Variants in CRYL1 observed in about 807,000 individuals in gnomAD.
CRYL1 encodes crystallin lambda 1, also known as lambda-crystallin homolog.
Under a neutral mutation model 36.6 loss-of-function variants are expected in CRYL1, and 29 were observed. The observed-to-expected ratio is 0.79, with a 90% CI of 0.59 to 1.08. CRYL1 has a LOEUF of 1.08. Among genes scored for constraint, CRYL1 ranks in the 50% least tolerant of loss-of-function variants. The probability of loss-of-function intolerance (pLI) is 0.00; values close to 1 mark genes in which losing one functional copy is unlikely to be tolerated. For missense variants in CRYL1, 411 were observed against 407.9 expected (o/e 1.01, Z -0.06); for synonymous variants, 152 against 151.5 (o/e 1.00, Z -0.02).
intron 1 of CRYL1, among the ~76,000 whole-genome samples, chr13:20,512,896 A>G (rs2033939592): frequency 6.6e-6 from 1 of 152,192 alleles, no homozygotes. Flanking sequence ...TAGGGTAACT[A>G]GAGTTCACAA....
At chr13:20,428,389 T>A (rs1333892014) in intron 5 of CRYL1, among the ~76,000 whole-genome samples, 1 of 152,208 alleles carries the variant, frequency 6.6e-6, no homozygotes, top group African/African-American at 2.4e-5. Context: ...AGCATTGGGC[T>A]TCTCCACCTG....
intron 5 of CRYL1, among the ~76,000 whole-genome samples, chr13:20,420,703 G>GTTTTTT (rs2031784049): frequency 2.6e-5 from 1 of 38,746 alleles, no homozygotes; most frequent in East Asian, 1.1e-3. Context: ...AATAGAGGTT[G>GTTTTTT]TGTGTGTGTG....
At chr13:20,428,531 G>C (rs1301431385) in intron 5 of CRYL1, among the ~76,000 whole-genome samples, 1 of 152,178 alleles carries the variant, frequency 6.6e-6, no homozygotes, top group Non-Finnish European at 1.5e-5. Flanking sequence ...GCAATCCCAA[G>C]TAGGATTATT....
chr13:20,454,894 G>A (rs1409871715), intron 3 of CRYL1, among the ~76,000 whole-genome samples: 2 of 152,088 alleles, frequency 1.3e-5, no homozygotes, highest in Admixed American at 6.5e-5. Flanking sequence ...CGCCCAGGCT[G>A]GACAGATTCT....
At chr13:20,439,500 A>G (rs1481343024) in intron 4 of CRYL1, 93 bp downstream of exon 4, 289 of 636,528 alleles carry the variant, frequency 4.5e-4, no homozygotes, top group Non-Finnish European at 6.1e-4. Context: ...CAAGTTATTG[A>G]CCCCCCTCCC....
intron 5 of CRYL1, chr13:20,431,001 T>C: frequency 1.0e-6 from 1 of 985,374 alleles, no homozygotes; most frequent in African/African-American, 1.7e-5. Flanking sequence ...GAGCCTTAAG[T>C]GGATTTAGAC....
intron 5 of CRYL1, chr13:20,426,813 C>T (rs938362356): frequency 3.0e-6 from 3 of 985,382 alleles, no homozygotes; most frequent in Non-Finnish European, 3.6e-6. Context: ...TCTGGAATCT[C>T]AGGGCCCCAT....
intron 3 of CRYL1, among the ~76,000 whole-genome samples, chr13:20,485,681 AAGAT>A (rs915207755): frequency 7.6e-5 from 11 of 145,244 alleles, no homozygotes; most frequent in Non-Finnish European, 1.4e-4. Context: ...AGAAAAAAGA[AAGAT>A]AGAAAAGAAA....
chr13:20,497,986 T>G (rs951767338), intron 2 of CRYL1, among the ~76,000 whole-genome samples: 9 of 151,782 alleles, frequency 5.9e-5, no homozygotes, highest in Non-Finnish European at 1.3e-4. Flanking sequence ...ACTTTGGCAT[T>G]GAACTTATCA....
At chr13:20,439,901 A>AT in intron 3 of CRYL1, 147 bp from the exon 4 acceptor site, 1 of 721,818 alleles carries the variant, frequency 1.4e-6, no homozygotes, top group Non-Finnish European at 2.3e-6. Context: ...GCAACTTGGC[A>AT]TCTGAGAAAA....
intron 2 of CRYL1, among the ~76,000 whole-genome samples, chr13:20,490,917 G>GT (rs2033498604): frequency 6.7e-6 from 1 of 149,694 alleles, no homozygotes; most frequent in African/African-American, 2.5e-5. Context: ...GCTTTGTTTT[G>GT]TTTTTTGAGA....
intron 3 of CRYL1, among the ~76,000 whole-genome samples, chr13:20,441,168 G>A (rs572377225): frequency 2.6e-5 from 4 of 152,302 alleles, no homozygotes; most frequent in East Asian, 3.9e-4. Context: ...GCCTCCCAAC[G>A]TTCCCCAGTG....
intron 3 of CRYL1, among the ~76,000 whole-genome samples, chr13:20,487,599 T>C (rs1325105130): frequency 6.6e-6 from 1 of 152,158 alleles, no homozygotes; most frequent in Non-Finnish European, 1.5e-5. Flanking sequence ...TCACATTATA[T>C]AACTAAATAC....
intron 2 of CRYL1, among the ~76,000 whole-genome samples, chr13:20,498,376 ACG>A (rs2033650331): frequency 9.3e-6 from 1 of 107,480 alleles, no homozygotes; most frequent in Non-Finnish European, 2.0e-5. Context: ...TACACACACT[ACG>A]CACACCACAT....
At chr13:20,485,546 G>A (rs2033378814) in intron 3 of CRYL1, among the ~76,000 whole-genome samples, 1 of 152,008 alleles carries the variant, frequency 6.6e-6, no homozygotes, top group South Asian at 2.1e-4. Flanking sequence ...GCACATGCCT[G>A]TAATCCCAGC....
chr13:20,513,689 G>C (rs552927027), intron 1 of CRYL1: 19 of 152,264 alleles, frequency 1.2e-4, no homozygotes, highest in African/African-American at 4.6e-4. Flanking sequence ...TTCCTGAAAA[G>C]TGAAAAGACA....
At chr13:20,427,228 G>A (rs1370683548) in intron 5 of CRYL1, 5 of 985,348 alleles carry the variant, frequency 5.1e-6, no homozygotes, top group African/African-American at 1.7e-5. Context: ...GGAAGTAAGT[G>A]TCAGTAGATT....
At chr13:20,477,674 A>T (rs1177094936) in intron 3 of CRYL1, among the ~76,000 whole-genome samples, 1 of 146,844 alleles carries the variant, frequency 6.8e-6, no homozygotes, top group Admixed American at 6.9e-5. Context: ...TTAAATATAT[A>T]AAAATATTTT....
At chr13:20,417,306 G>A (rs1159801054) in intron 5 of CRYL1, among the ~76,000 whole-genome samples, 2 of 152,196 alleles carry the variant, frequency 1.3e-5, no homozygotes, top group East Asian at 3.8e-4. Context: ...ATAATCATTT[G>A]TCATTGATAA....
Sources: gnomAD v4.1 joint callset for allele counts (sites outside exome capture counted in the v4.1 genomes callset) on GRCh38, gnomAD v4.1.1 for gene constraint, MANE v1.5 for transcripts, NCBI Gene and HGNC (gene_info 2026-07-23, HGNC 2026-07-21) for gene names.